UBAC2: variants seen among roughly 807,000 people sequenced by gnomAD.
UBAC2 encodes ubiquitin-associated domain-containing protein 2.
Under a neutral mutation model 44.0 loss-of-function variants are expected in UBAC2, and 26 were observed. The observed-to-expected ratio is 0.59, with a 90% CI of 0.43 to 0.82. The LOEUF (loss-of-function observed/expected upper bound fraction) is 0.82, where lower values mean the gene tolerates loss of function less well. UBAC2 is among the 40% of genes least tolerant of loss of function. The pLI, the probability that UBAC2 is intolerant of heterozygous loss-of-function variation, is 0.00. For missense variants in UBAC2, 329 were observed against 419.4 expected, an observed-to-expected ratio of 0.78 and a Z score of 1.88; for synonymous variants, 155 against 154.3, an observed-to-expected ratio of 1.00 and a Z score of -0.04.
chr13:99,379,723 T>A (rs745610853), intron 8 of UBAC2, among the ~76,000 whole-genome samples: 15 of 152,232 alleles, frequency 9.9e-5, no homozygotes, highest in Non-Finnish European at 1.8e-4. Context: ...TCAGATCCTA[T>A]ATGGTGGTCA....
chr13:99,349,790 C>T (rs144778864), intron 7 of UBAC2, among the ~76,000 whole-genome samples: 2,238 of 152,268 alleles, frequency 0.015, 58 homozygotes, highest in African/African-American at 0.051. Flanking sequence ...GGACAAGGAG[C>T]GTGACCGTTG....
rs377361851 is a variant in UBAC2 at position 99,327,472 on chromosome 13, T to TTC, written c.561+9415_561+9416dup. On this transcript the variant is annotated intron_variant, in intron 6 of 8. Transcript: ENST00000403766. The stretch of plus-strand genomic sequence containing the variant: ...TATATGTAGTTTTGGTTTTTGGTTT[T>TTC]TCTCTCTCTCTCTGTGTGTGTGTGT... 4.5e-4 allele frequency among the ~76,000 whole-genome samples: 68 copies of TTC among 149,882 alleles called. No homozygotes were observed. In the South Asian group the frequency reaches 0.011, roughly 23 times the overall value.
chr13:99,366,653 G>A (rs1343864284), intron 7 of UBAC2, among the ~76,000 whole-genome samples: 1 of 152,028 alleles, frequency 6.6e-6, no homozygotes, highest in Admixed American at 6.5e-5. Context: ...CTTTCGCTGA[G>A]GGTGCTGCCA....
intron 8 of UBAC2, among the ~76,000 whole-genome samples, chr13:99,378,874 CT>C (rs2045516124): frequency 1.3e-5 from 2 of 152,346 alleles, no homozygotes; most frequent in South Asian, 4.1e-4. Flanking sequence ...CTTCATTGAT[CT>C]AAGAATACCT....
chr13:99,384,907 G>A (rs528854685), intron 8 of UBAC2, among the ~76,000 whole-genome samples: 3 of 152,364 alleles, frequency 2.0e-5, no homozygotes, highest in East Asian at 1.9e-4. Context: ...GTGTGTCCTC[G>A]CAGTGAGCCT....
At chr13:99,342,974 C>T (rs2044915245) in intron 7 of UBAC2, among the ~76,000 whole-genome samples, 4 of 152,242 alleles carry the variant, frequency 2.6e-5, no homozygotes, top group African/African-American at 9.6e-5. Context: ...GTCCATTTGG[C>T]TGTTTTCCCC....
chr13:99,310,135 TG>T, intron 4 of UBAC2, among the ~76,000 whole-genome samples: 1 of 152,312 alleles, frequency 6.6e-6, no homozygotes, highest in South Asian at 2.1e-4. Context: ...GAGATCACTG[TG>T]GGGAACACAG....
intron 2 of UBAC2, among the ~76,000 whole-genome samples, chr13:99,243,041 A>G (rs1035827187): frequency 1.3e-5 from 2 of 152,088 alleles, no homozygotes; most frequent in Non-Finnish European, 2.9e-5. Context: ...GCAGCCAGCA[A>G]AATTTTAACT....
At chr13:99,342,373 G>T (rs1172171647) in intron 7 of UBAC2, among the ~76,000 whole-genome samples, 1 of 152,126 alleles carries the variant, frequency 6.6e-6, no homozygotes, top group Admixed American at 6.5e-5. Flanking sequence ...GTGTGAATTT[G>T]GGGCAGGGGC....
chr13:99,385,121 TAAACAG>T, intron 8 of UBAC2, 101 bp from the exon 9 acceptor site: 2 of 801,812 alleles, frequency 2.5e-6, no homozygotes, highest in Non-Finnish European at 4.2e-6. Context: ...GGTTTTTTTG[TAAACAG>T]TTTTGACCTT....
At chr13:99,377,077 T>A (rs2045490460) in intron 8 of UBAC2, 1 of 152,358 alleles carries the variant, frequency 6.6e-6, no homozygotes. Context: ...CCTACCAGCA[T>A]TCTCATTTTG....
intron 7 of UBAC2, among the ~76,000 whole-genome samples, chr13:99,348,434 A>G (rs992910058): frequency 1.3e-5 from 2 of 152,186 alleles, no homozygotes; most frequent in African/African-American, 2.4e-5. Context: ...CAGGTGTTTC[A>G]GTCACGGGGG....
At position 99,338,071 on chromosome 13, in the gene UBAC2, T is replaced by TTTTTTTTTTTTTTTA. The variant is rs1555330450; in HGVS notation, c.562-2245_562-2244insTTTTTTTTTTATTTT. ...TCTTTTTTTTTTTTTTTTTTTTTTT[T>TTTTTTTTTTTTTTTA]TTTTGAGACAGAGTCTCACTGTGTC... On this transcript the variant is annotated intron_variant, in intron 6 of 8. Transcript: ENST00000403766. Among the ~76,000 whole-genome samples the TTTTTTTTTTTTTTTA allele has an allele frequency of 4.8e-5, 5 of 105,074 alleles. 1 individual carries two copies. Among genetic ancestry groups the TTTTTTTTTTTTTTTA allele is most frequent in the Admixed American group, 2.3e-4 (2 of 8,712 alleles). The allele number at this position is 105,074 out of a possible 152,430, so 68.9% of individuals were successfully genotyped here.
intron 6 of UBAC2, among the ~76,000 whole-genome samples, chr13:99,337,278 C>A (rs2044802933): frequency 6.6e-6 from 1 of 152,008 alleles, no homozygotes; most frequent in South Asian, 2.1e-4. Context: ...TTGCATCTTC[C>A]TATTCATGGA....
intron 7 of UBAC2, among the ~76,000 whole-genome samples, chr13:99,350,651 C>T (rs2045070707): frequency 1.3e-5 from 2 of 152,362 alleles, no homozygotes; most frequent in South Asian, 4.1e-4. Context: ...TTGCAATATC[C>T]TTTCTAATAA....
At chr13:99,340,702 A>ACCTACAATCTCT in intron 7 of UBAC2, 137 bp downstream of exon 7, 1 of 999,066 alleles carries the variant, frequency 1.0e-6, no homozygotes, top group Non-Finnish European at 1.4e-6. Flanking sequence ...TTCCAAAGAG[A>ACCTACAATCTCT]TTGTAGGTCT....
intron 4 of UBAC2, among the ~76,000 whole-genome samples, chr13:99,262,094 A>G (rs1301634533): frequency 6.6e-6 from 1 of 152,138 alleles, no homozygotes; most frequent in Non-Finnish European, 1.5e-5. Flanking sequence ...GTGTCTCCAC[A>G]CTGTAGACAT....
chr13:99,377,331 G>A lies in UBAC2; in HGVS notation c.928-7897G>A, dbSNP rs1461111860. On this transcript the variant is annotated intron_variant, in intron 8 of 8. Coordinates refer to ENST00000403766, the MANE Select transcript of UBAC2 (RefSeq NM_001144072.2). The stretch of plus-strand genomic sequence containing the variant: ...AGGAGACCTGTAAACATTCATTCCT[G>A]TACTTTAACAACTTGACATCAGGAG... 5 of 152,248 alleles carry A rather than the reference G, an allele frequency of 3.3e-5. No individual in the cohort carries two copies. In the East Asian group the frequency reaches 7.7e-4, roughly 23 times the overall value. The allele number at this position is 152,248 out of a possible 1,614,324, so 9.4% of individuals were successfully genotyped here.
At chr13:99,324,306 T>TA (rs1394231952) in intron 6 of UBAC2, among the ~76,000 whole-genome samples, 3 of 152,176 alleles carry the variant, frequency 2.0e-5, no homozygotes, top group African/African-American at 7.2e-5. Flanking sequence ...TTGTTTGACT[T>TA]ACACTAGCCA....
Sources: gnomAD v4.1 joint callset for allele counts (sites outside exome capture counted in the v4.1 genomes callset) on GRCh38, gnomAD v4.1.1 for gene constraint, MANE v1.5 for transcripts, NCBI Gene and HGNC (gene_info 2026-07-23, HGNC 2026-07-21) for gene names.